GARNL3: variants seen among roughly 807,000 people sequenced by gnomAD.
The protein encoded by GARNL3 is GTPase-activating Rap/Ran-GAP domain-like protein 3.
A neutral mutation model predicts 125.0 loss-of-function variants in GARNL3; 63 were observed. The ratio of observed to expected loss-of-function variants is 0.50; its 90% CI spans 0.41 to 0.62. The LOEUF is 0.62. GARNL3 is among the 20% of genes least tolerant of loss of function. The pLI is 0.00. For missense variants in GARNL3, 994 were observed against 1,244.0 expected (o/e 0.80, Z 3.02); for synonymous variants, 439 against 457.5 (o/e 0.96, Z 0.52).
intron 1 of GARNL3, among the ~76,000 whole-genome samples, chr9:127,288,845 T>G (rs1450847190): frequency 6.6e-6 from 1 of 152,226 alleles, no homozygotes; most frequent in Non-Finnish European, 1.5e-5. Context: ...CTTCGACTCC[T>G]AGATGAGACT....
chr9:127,304,229 C>T (rs2064882544), intron 2 of GARNL3, among the ~76,000 whole-genome samples: 1 of 152,152 alleles, frequency 6.6e-6, no homozygotes, highest in South Asian at 2.1e-4. Flanking sequence ...AAATAGGTGA[C>T]ACTTAAATTA....
chr9:127,299,204 C>G (rs1279613587), intron 2 of GARNL3, among the ~76,000 whole-genome samples: 1 of 151,082 alleles, frequency 6.6e-6, no homozygotes, highest in African/African-American at 2.4e-5. Context: ...GTAGATCCAG[C>G]TACTCGGGAA....
chr9:127,332,889 T>C (rs1283114862), intron 8 of GARNL3, 134 bp from the exon 9 acceptor site: 2 of 678,042 alleles, frequency 2.9e-6, no homozygotes, highest in Non-Finnish European at 5.3e-6. Flanking sequence ...AAGAAGGAAA[T>C]GTGACTTACC....
chr9:127,380,976 T>C (rs1432093279), intron 22 of GARNL3, among the ~76,000 whole-genome samples: 1 of 152,240 alleles, frequency 6.6e-6, no homozygotes. Flanking sequence ...CCCCCCGGGT[T>C]CAAGTGATTC....
At chr9:127,285,402 A>G (rs1276044226) in intron 1 of GARNL3, among the ~76,000 whole-genome samples, 1 of 152,210 alleles carries the variant, frequency 6.6e-6, no homozygotes, top group Non-Finnish European at 1.5e-5. Flanking sequence ...CAGCCTGGGC[A>G]ACAAGAGTGA....
In GARNL3 at chr9:127,344,401, A is replaced by T. The variant is rs767419646; in HGVS notation, c.1356+62A>T. The T allele has an allele frequency of 3.6e-6, 4 of 1,097,770 alleles. No individual in the cohort carries two copies. The African/African-American group carries it at 6.2e-5, about 17-fold the overall frequency. The allele number at this position is 1,097,770 out of a possible 1,614,324, so 68.0% of individuals were successfully genotyped here. The stretch of plus-strand genomic sequence containing the variant: ...TAGTTTTGAGTTCCATCCTAACCAG[A>T]TGGCCCATGTGCAAAGACTTTGTTT... On this transcript the variant is annotated intron_variant, in intron 15 of 27. Transcript: ENST00000373387.
At chr9:127,285,800 A>G (rs961297565) in intron 1 of GARNL3, among the ~76,000 whole-genome samples, 1 of 152,074 alleles carries the variant, frequency 6.6e-6, no homozygotes, top group Non-Finnish European at 1.5e-5. Flanking sequence ...TTGTGATTTC[A>G]TTATTCCCTT....
chr9:127,271,889 C>G (rs1205062595), intron 1 of GARNL3, among the ~76,000 whole-genome samples: 9 of 150,346 alleles, frequency 6.0e-5, no homozygotes, highest in Admixed American at 5.9e-4. Flanking sequence ...TTCTTAATGA[C>G]TCAAACCTGC....
At position 127,336,155 on chromosome 9, in the gene GARNL3, G is replaced by A. The variant is rs767895668; in HGVS notation, c.901G>A (p.Asp301Asn). The A allele has an allele frequency of 2.5e-6, 4 of 1,613,952 alleles. No homozygotes were observed. The highest frequency in any genetic ancestry group is 2.5e-6 in the Non-Finnish European group (3 of 1,179,864). Residue 301 changes from aspartate to asparagine, a missense_variant, in exon 11 of 28, where the codon GAT (aspartate) becomes AAT (asparagine). Physicochemically the swap from Asp to Asn is conservative, Grantham distance 23. This residue lies in a region of GARNL3 where 19 missense variants were observed against 46.4 expected (regional missense o/e 0.41). Transcript: ENST00000373387. ...QVERKRHIGN[D>N]IVTIVFQEGE... is the part of the protein sequence containing the mutation. Reference sequence around the variant, plus strand: ...GGAAAGGAAACGCCACATTGGAAACGATATCGTCACCATTGTGTTCCAAGA... The same window carrying A: ...GGAAAGGAAACGCCACATTGGAAACAATATCGTCACCATTGTGTTCCAAGA...
intron 2 of GARNL3, among the ~76,000 whole-genome samples, chr9:127,306,011 G>A (rs189518005): frequency 3.9e-5 from 6 of 152,184 alleles, no homozygotes; most frequent in Non-Finnish European, 8.8e-5. Context: ...AGCACCTTGC[G>A]CCTCCCTGTG....
At chr9:127,349,804 C>G (rs910069472) in intron 17 of GARNL3, among the ~76,000 whole-genome samples, 2 of 152,188 alleles carry the variant, frequency 1.3e-5, no homozygotes, top group Non-Finnish European at 2.9e-5. Flanking sequence ...GACAATGTCT[C>G]CAAAGGGCAT....
At chr9:127,226,054 C>A (rs2062907570) in intron 1 of GARNL3, among the ~76,000 whole-genome samples, 1 of 152,196 alleles carries the variant, frequency 6.6e-6, no homozygotes, top group African/African-American at 2.4e-5. Flanking sequence ...ATGACTCCAA[C>A]GTCCTCTCAG....
chr9:127,357,194 T>C, intron 20 of GARNL3, 25 bp from the exon 21 acceptor site: 3 of 1,613,324 alleles, frequency 1.9e-6, no homozygotes, highest in Non-Finnish European at 2.5e-6. Flanking sequence ...CACCCCTGTC[T>C]CTTGTATCCT....
At chr9:127,365,217 C>G in intron 21 of GARNL3, 83 bp from the exon 22 acceptor site, 1 of 1,214,224 alleles carries the variant, frequency 8.2e-7, no homozygotes, top group Middle Eastern at 1.9e-4. Context: ...GCCTCGGCCT[C>G]CACAAATGCT....
chr9:127,268,730 G>A lies in GARNL3; in HGVS notation c.144+3709G>A, dbSNP rs531242537. 2.6e-5 allele frequency among the ~76,000 whole-genome samples: 4 copies of A among 152,130 alleles called. 1 individual carries two copies. The highest frequency in any genetic ancestry group is 9.6e-5 in the African/African-American group (4 of 41,512). On this transcript the variant is annotated intron_variant, in intron 1 of 27. Coordinates refer to ENST00000373387, the MANE Select transcript of GARNL3 (RefSeq NM_032293.5). ...TCAATTAAACACTGGATTCCTATTT[G>A]GCAGTTCCTCAAAAAGCTAAAAACA...
chr9:127,342,284 G>A lies in GARNL3; in HGVS notation c.1201G>A (p.Asp401Asn). The change falls in exon 14 of 28, where the codon GAT becomes AAT. Residue 401 changes from aspartate (D) to asparagine (N), a missense_variant. Around this residue, in one of 5 missense-constraint regions of GARNL3, gnomAD observed 728 missense variants for 865.7 expected, o/e 0.84. Coordinates refer to ENST00000373387, the MANE Select transcript of GARNL3 (RefSeq NM_032293.5). ...TFAQKRRRTL[D>N]MLIRSLHQDL... ...TGCCCAGAAACGTCGGCGTACCCTG[G>A]ATATGTTGATTAGATCTTTACACCA... 18 of 1,614,080 alleles carry A rather than the reference G, an allele frequency of 1.1e-5. No individual in the cohort carries two copies. The highest frequency in any genetic ancestry group is 1.5e-5 in the Non-Finnish European group (18 of 1,179,952).
chr9:127,236,254 T>G (rs1465741187), intron 1 of GARNL3, among the ~76,000 whole-genome samples: 2 of 152,216 alleles, frequency 1.3e-5, no homozygotes, highest in Non-Finnish European at 2.9e-5. Flanking sequence ...AAAATGTTAT[T>G]ATCGGAAATG....
rs34608132 is a variant in GARNL3 at position 127,383,530 on chromosome 9, G to T, written c.2254G>T (p.Ala752Ser). The change falls in exon 23 of 28, where the codon GCT (alanine) becomes TCT (serine). Residue 752 changes from alanine to serine, a missense_variant. By Grantham distance (99) the Ala-to-Ser change is moderately conservative. Coordinates refer to ENST00000373387, the MANE Select transcript of GARNL3 (RefSeq NM_032293.5). ...AGATTTCCAGTTCTGTTGGAACCAGGCTCCCTATGCAATTGGTAAGAAAAG... is the reference window on the plus strand; with the variant it reads ...AGATTTCCAGTTCTGTTGGAACCAGTCTCCCTATGCAATTGGTAAGAAAAG... ...ASDFQFCWNQ[A>S]PYAIVCAFPY... 4.9e-4 allele frequency: 790 copies of T among 1,610,090 alleles called. 6 individuals are homozygous for T. The African/African-American group carries it at 9.7e-3, about 20-fold the overall frequency.
chr9:127,368,716 T>C (rs1457538935), intron 22 of GARNL3, among the ~76,000 whole-genome samples: 2 of 150,808 alleles, frequency 1.3e-5, no homozygotes, highest in Non-Finnish European at 3.0e-5. Flanking sequence ...GGGCAGATCA[T>C]TTGAGGTCAG....
Sources: allele counts gnomAD v4.1 joint callset (sites outside exome capture counted in the v4.1 genomes callset), GRCh38; gene constraint gnomAD v4.1.1; regional missense constraint gnomAD v4.1.1; transcripts MANE v1.5; gene names NCBI Gene and HGNC (gene_info 2026-07-23, HGNC 2026-07-21).